The following CDH13 variants were observed in gnomAD, a reference collection of about 807,000 sequenced individuals.
CDH13 encodes cadherin 13.
CDH13 carries 24 observed loss-of-function variants against 63.8 expected under a neutral mutation model. That is an observed-to-expected ratio of 0.38 (90% CI 0.27 to 0.53). The LOEUF is 0.53. Among genes scored for constraint, CDH13 ranks in the 20% least tolerant of loss-of-function variants. CDH13 has a pLI of 0.85. For synonymous variants in CDH13, 503 were observed against 355.3 expected, an observed-to-expected ratio of 1.42 and a Z score of -4.67; for missense variants, 1,049 against 903.1, an observed-to-expected ratio of 1.16 and a Z score of -2.07.
intron 1 of CDH13, among the ~76,000 whole-genome samples, chr16:82,705,630 C>T (rs550845882): frequency 6.6e-6 from 1 of 152,208 alleles, no homozygotes; most frequent in African/African-American, 2.4e-5. Flanking sequence ...ACACATTTCA[C>T]CACACACGCC....
At chr16:83,188,634 C>T (rs762716166) in intron 4 of CDH13, among the ~76,000 whole-genome samples, 3 of 152,184 alleles carry the variant, frequency 2.0e-5, no homozygotes, top group Admixed American at 6.5e-5. Context: ...GCCTCCCCTC[C>T]AAAGTCTGCA....
At chr16:82,837,433 C>T (rs1302411383) in intron 1 of CDH13, among the ~76,000 whole-genome samples, 1 of 107,368 alleles carries the variant, frequency 9.3e-6, no homozygotes, top group Non-Finnish European at 1.9e-5. Context: ...CCTTGATCCC[C>T]AAGTCCTAGG....
chr16:83,578,576 A>T (rs7197896), intron 7 of CDH13, among the ~76,000 whole-genome samples: 61,256 of 152,050 alleles, frequency 0.4, 12,876 homozygotes, highest in Admixed American at 0.52. Context: ...TTGGAGAGGT[A>T]CTAAGGGCAG....
chr16:83,025,912 C>T (rs1272487275), intron 2 of CDH13, among the ~76,000 whole-genome samples: 1 of 152,054 alleles, frequency 6.6e-6, no homozygotes. Context: ...GCACACAGAC[C>T]GCAACTCAGC....
intron 10 of CDH13, among the ~76,000 whole-genome samples, chr16:83,687,210 C>G (rs1904390127): frequency 6.6e-6 from 1 of 151,358 alleles, no homozygotes; most frequent in African/African-American, 2.4e-5. Flanking sequence ...GAGACTTCGT[C>G]TAGAAAAAAA....
chr16:83,567,887 G>T (rs1455549597), intron 7 of CDH13, among the ~76,000 whole-genome samples: 2 of 152,150 alleles, frequency 1.3e-5, no homozygotes, highest in Non-Finnish European at 2.9e-5. Flanking sequence ...GAGCCACCAC[G>T]CCCGGCCTAG....
intron 6 of CDH13, among the ~76,000 whole-genome samples, chr16:83,393,667 G>A (rs2091829986): frequency 6.6e-6 from 1 of 152,140 alleles, no homozygotes; most frequent in African/African-American, 2.4e-5. Context: ...CAATTCAGTT[G>A]AATCATTCAT....
At chr16:83,671,362 C>T (rs1252425271) in intron 9 of CDH13, among the ~76,000 whole-genome samples, 1 of 152,144 alleles carries the variant, frequency 6.6e-6, no homozygotes, top group Non-Finnish European at 1.5e-5. Flanking sequence ...GATTCTCGTG[C>T]CTCAGCCTCC....
At chr16:82,842,973 G>A (rs967767993) in intron 1 of CDH13, among the ~76,000 whole-genome samples, 1 of 152,120 alleles carries the variant, frequency 6.6e-6, no homozygotes, top group African/African-American at 2.4e-5. Context: ...AAGTGCTGGG[G>A]AGCAGCTATA....
At chr16:83,072,251 C>T (rs1384138425) in intron 3 of CDH13, among the ~76,000 whole-genome samples, 1 of 152,116 alleles carries the variant, frequency 6.6e-6, no homozygotes, top group African/African-American at 2.4e-5. Context: ...TTAAAGAAAC[C>T]AAACTCACTT....
At chr16:83,102,090 G>A (rs28459708) in intron 3 of CDH13, among the ~76,000 whole-genome samples, 1,824 of 152,254 alleles carry the variant, frequency 0.012, 45 homozygotes, top group African/African-American at 0.042. Context: ...AAGATGCTAC[G>A]CTCCTGGCTT....
chr16:83,125,759 A>G (rs964709989), intron 4 of CDH13, among the ~76,000 whole-genome samples: 1 of 152,206 alleles, frequency 6.6e-6, no homozygotes, highest in Non-Finnish European at 1.5e-5. Context: ...GGAAGATGTC[A>G]ATGGTTAAGA....
chr16:83,726,562 A>G (rs977685142), intron 10 of CDH13, among the ~76,000 whole-genome samples: 5 of 152,180 alleles, frequency 3.3e-5, no homozygotes, highest in African/African-American at 7.2e-5. Flanking sequence ...TTGGCTGGGC[A>G]CGGTGGCTCA....
At chr16:83,247,786 A>G (rs1018663804) in intron 5 of CDH13, among the ~76,000 whole-genome samples, 3 of 152,188 alleles carry the variant, frequency 2.0e-5, no homozygotes, top group Non-Finnish European at 2.9e-5. Flanking sequence ...TAACACTTCT[A>G]TATTGAACCA....
chr16:82,817,178 C>A (rs1325550370), intron 1 of CDH13, among the ~76,000 whole-genome samples: 1 of 151,980 alleles, frequency 6.6e-6, no homozygotes, highest in Admixed American at 6.6e-5. Flanking sequence ...TCGCCCCCCA[C>A]TGCAGGTACC....
chr16:83,636,055 A>C (rs1255181241), intron 8 of CDH13, among the ~76,000 whole-genome samples: 1 of 151,940 alleles, frequency 6.6e-6, no homozygotes, highest in Non-Finnish European at 1.5e-5. Flanking sequence ...GCCTTTTAGA[A>C]ATAGCTATCC....
chr16:83,308,212 G>A (rs747308596), intron 5 of CDH13, among the ~76,000 whole-genome samples: 7 of 151,886 alleles, frequency 4.6e-5, no homozygotes, highest in Non-Finnish European at 7.4e-5. Flanking sequence ...TACCATTACC[G>A]TCAAATTAAA....
At chr16:82,842,724 T>TCATAA (rs112205509) in intron 1 of CDH13, among the ~76,000 whole-genome samples, 1 of 151,516 alleles carries the variant, frequency 6.6e-6, no homozygotes, top group Non-Finnish European at 1.5e-5. Context: ...TATTATTACC[T>TCATAA]TATATAATGA....
intron 5 of CDH13, among the ~76,000 whole-genome samples, chr16:83,279,842 AT>A (rs35396123): frequency 9.4e-4 from 141 of 149,932 alleles, no homozygotes; most frequent in East Asian, 2.7e-3. Context: ...GAGTCACATG[AT>A]TTTTTTTTTT....
Sources: allele counts gnomAD v4.1 joint callset (sites outside exome capture counted in the v4.1 genomes callset), GRCh38; gene constraint gnomAD v4.1.1; transcripts MANE v1.5; gene names NCBI Gene and HGNC (gene_info 2026-07-23, HGNC 2026-07-21).